The following SIPA1L3 variants were observed in gnomAD, a reference collection of about 807,000 sequenced individuals.
The protein encoded by SIPA1L3 is signal-induced proliferation-associated 1-like protein 3.
Under a neutral mutation model 150.1 loss-of-function variants are expected in SIPA1L3, and 59 were observed. The observed-to-expected ratio is 0.39, with a 90% CI of 0.32 to 0.49. The LOEUF (loss-of-function observed/expected upper bound fraction) is 0.49. Ranked by LOEUF, SIPA1L3 falls within the 20% of genes least tolerant of loss-of-function variation. The pLI, the probability that SIPA1L3 is intolerant of heterozygous loss-of-function variation, is 0.86. For missense variants in SIPA1L3, 2,211 were observed against 2,489.5 expected, an observed-to-expected ratio of 0.89 and a Z score of 2.38; for synonymous variants, 1,070 against 1,077.6, an observed-to-expected ratio of 0.99 and a Z score of 0.14.
chr19:38,174,182 G>T (rs1018193335), intron 15 of SIPA1L3, among the ~76,000 whole-genome samples: 1 of 152,124 alleles, frequency 6.6e-6, no homozygotes, highest in African/African-American at 2.4e-5. Context: ...GGCTTGATTG[G>T]TATCTCTGTT....
At chr19:38,129,940 G>A (rs759184753) in intron 9 of SIPA1L3, among the ~76,000 whole-genome samples, 8 of 152,070 alleles carry the variant, frequency 5.3e-5, no homozygotes, top group Non-Finnish European at 7.4e-5. Context: ...GGTAGCAGAC[G>A]CTTGTAATCC....
At chr19:37,914,975 A>C (rs2046404228) in intron 1 of SIPA1L3, among the ~76,000 whole-genome samples, 1 of 152,144 alleles carries the variant, frequency 6.6e-6, no homozygotes, top group Non-Finnish European at 1.5e-5. Flanking sequence ...TCCACCCTCC[A>C]TGCTCTTCAC....
intron 1 of SIPA1L3, among the ~76,000 whole-genome samples, chr19:37,927,377 C>G (rs1041551155): frequency 6.6e-6 from 1 of 152,110 alleles, no homozygotes. Flanking sequence ...GTCTTGAACT[C>G]CTGACCTCAG....
rs144246468 is a variant in SIPA1L3, at chr19:37,919,770, G to T, written c.-379+12412G>T. Among the ~76,000 whole-genome samples, 378 of 147,282 alleles carry T rather than the reference G, an allele frequency of 2.6e-3. 6 individuals are homozygous for T. The East Asian group carries it at 0.042, about 17-fold the overall frequency. Reference sequence around the variant, plus strand: ...TTGTTGCCCAGGCTGGAGTGCAGTGGCGCGATCTCAGCTCACCGCAACCTC... The same window carrying T: ...TTGTTGCCCAGGCTGGAGTGCAGTGTCGCGATCTCAGCTCACCGCAACCTC... On this transcript the variant is annotated intron_variant, in intron 1 of 21. Coordinates refer to ENST00000222345, the MANE Select transcript of SIPA1L3 (RefSeq NM_015073.3).
At chr19:38,160,872 G>A (rs1972067989) in intron 13 of SIPA1L3, among the ~76,000 whole-genome samples, 1 of 152,178 alleles carries the variant, frequency 6.6e-6, no homozygotes, top group Non-Finnish European at 1.5e-5. Context: ...TCCATCAGTA[G>A]GAAACTGGCA....
intron 2 of SIPA1L3, among the ~76,000 whole-genome samples, chr19:38,057,472 CTA>C (rs1250107330): frequency 5.3e-5 from 8 of 151,800 alleles, no homozygotes; most frequent in Non-Finnish European, 1.2e-4. Flanking sequence ...TCTGCATAGC[CTA>C]TAGATGTTTA....
At chr19:38,135,165 C>T (rs559573651) in intron 10 of SIPA1L3, among the ~76,000 whole-genome samples, 5 of 152,304 alleles carry the variant, frequency 3.3e-5, no homozygotes, top group East Asian at 1.9e-4. Flanking sequence ...TATTAATACA[C>T]GGGCATGCGA....
chr19:37,955,695 T>C (rs1364796805), intron 1 of SIPA1L3, among the ~76,000 whole-genome samples: 1 of 152,248 alleles, frequency 6.6e-6, no homozygotes, highest in Non-Finnish European at 1.5e-5. Flanking sequence ...AGGTGATAGC[T>C]CATATCAGTC....
At chr19:37,957,513 TA>T (rs1355057029) in intron 1 of SIPA1L3, among the ~76,000 whole-genome samples, 2 of 152,286 alleles carry the variant, frequency 1.3e-5, no homozygotes, top group Admixed American at 6.5e-5. Context: ...TATTCTTATG[TA>T]TTTTTTTTAT....
chr19:38,073,083 C>T (rs1464873586), intron 2 of SIPA1L3, among the ~76,000 whole-genome samples: 1 of 152,198 alleles, frequency 6.6e-6, no homozygotes, highest in Non-Finnish European at 1.5e-5. Context: ...TATCCACATT[C>T]TAGCCAGTGG....
At chr19:38,156,350 A>G (rs1241889291) in intron 13 of SIPA1L3, among the ~76,000 whole-genome samples, 1 of 151,438 alleles carries the variant, frequency 6.6e-6, no homozygotes, top group Non-Finnish European at 1.5e-5. Flanking sequence ...ATGGGGAGGA[A>G]GTGTTTCCTG....
At chr19:38,184,889 T>A (rs373651015) in intron 16 of SIPA1L3, 2 of 152,440 alleles carry the variant, frequency 1.3e-5, no homozygotes, top group South Asian at 2.1e-4. Flanking sequence ...CCAGGCGCCA[T>A]GTTCTTTGCC....
intron 1 of SIPA1L3, among the ~76,000 whole-genome samples, chr19:37,943,912 T>A (rs1444193988): frequency 6.6e-6 from 1 of 152,076 alleles, no homozygotes; most frequent in Non-Finnish European, 1.5e-5. Flanking sequence ...TTTAAAAGTG[T>A]TTTTAAAAAA....
At chr19:38,083,594 A>G (rs955770147) in intron 3 of SIPA1L3, among the ~76,000 whole-genome samples, 4 of 151,720 alleles carry the variant, frequency 2.6e-5, no homozygotes, top group African/African-American at 9.7e-5. Flanking sequence ...CCAGTGGGGG[A>G]TGGTCAGAGG....
intron 12 of SIPA1L3, 144 bp downstream of exon 12, chr19:38,142,854 G>C (rs1431097272): frequency 7.5e-6 from 8 of 1,071,594 alleles, no homozygotes; most frequent in Non-Finnish European, 9.4e-6. Flanking sequence ...GGAGCCCCAT[G>C]GGGTGGTTAT....
intron 16 of SIPA1L3, among the ~76,000 whole-genome samples, chr19:38,191,471 A>G (rs1289061548): frequency 6.6e-6 from 1 of 151,826 alleles, no homozygotes; most frequent in Non-Finnish European, 1.5e-5. Context: ...AGGGAAACCC[A>G]GGCCTTGCTC....
intron 2 of SIPA1L3, among the ~76,000 whole-genome samples, chr19:38,038,097 G>A (rs1354770319): frequency 1.3e-5 from 2 of 152,178 alleles, no homozygotes; most frequent in East Asian, 1.9e-4. Flanking sequence ...GTGAGAGTAA[G>A]GAGGAAGCTG....
chr19:37,997,881 A>G (rs966097108), intron 1 of SIPA1L3, among the ~76,000 whole-genome samples: 5 of 150,938 alleles, frequency 3.3e-5, no homozygotes, highest in Admixed American at 3.3e-4. Flanking sequence ...AAAAAAAAAA[A>G]GAAAAGAAAA....
At chr19:38,203,090 C>G (rs1973124967) in intron 20 of SIPA1L3, among the ~76,000 whole-genome samples, 1 of 152,186 alleles carries the variant, frequency 6.6e-6, no homozygotes, top group Non-Finnish European at 1.5e-5. Context: ...GCAGTGGGAG[C>G]AATTTTTGAG....
Sources: allele counts gnomAD v4.1 joint callset (sites outside exome capture counted in the v4.1 genomes callset), GRCh38; gene constraint gnomAD v4.1.1; transcripts MANE v1.5; gene names NCBI Gene and HGNC (gene_info 2026-07-23, HGNC 2026-07-21).